CRTC1: variants seen among roughly 807,000 people sequenced by gnomAD.
CRTC1 encodes CREB regulated transcription coactivator 1, also known as CREB-regulated transcription coactivator 1.
In CRTC1, 18 loss-of-function variants were observed where a neutral mutation model predicts 66.1. The ratio of observed to expected loss-of-function variants is 0.27; its 90% CI spans 0.19 to 0.40. The LOEUF (loss-of-function observed/expected upper bound fraction) is 0.40. Among genes scored for constraint, CRTC1 ranks in the 10% least tolerant of loss-of-function variants. CRTC1 has a pLI of 1.00. For synonymous variants in CRTC1, 416 were observed against 398.8 expected (o/e 1.04, Z -0.51); for missense variants, 669 against 887.9 (o/e 0.75, Z 3.13).
intron 1 of CRTC1, among the ~76,000 whole-genome samples, chr19:18,723,907 C>T (rs1410645462): frequency 2.0e-5 from 3 of 152,330 alleles, no homozygotes; most frequent in East Asian, 1.9e-4. Context: ...TCTCAGTTGT[C>T]CCCGTGCGCT....
chr19:18,713,842 A>G (rs2053445808), intron 1 of CRTC1, among the ~76,000 whole-genome samples: 1 of 152,356 alleles, frequency 6.6e-6, no homozygotes, highest in East Asian at 1.9e-4. Flanking sequence ...GGCCACGCAG[A>G]GGTGGGAGCT....
rs1305769353 is a variant in CRTC1, at chr19:18,779,110, C to G, written c.*1728C>G. The G allele has an allele frequency of 3.4e-5, 8 of 232,670 alleles. No homozygotes were observed. The Admixed American group carries it at 4.5e-4, about 13-fold the overall frequency. The allele number at this position is 232,670 out of a possible 1,614,324, so 14.4% of individuals were successfully genotyped here. A position where few individuals can be genotyped will look rare whatever the true frequency, so the allele number is the denominator to read the frequency against. ...ATAGGAACTGCTGTTCTGATCCCCC[C>G]AAAACTGCATTGCGGCTCTCGCTCG... On this transcript the variant is annotated 3_prime_UTR_variant, in exon 14 of 14. Transcript: ENST00000321949.
In CRTC1 at chr19:18,780,583, C is replaced by T. The variant is rs2055084334; in HGVS notation, c.*3201C>T. The T allele has an allele frequency of 4.3e-6, 1 of 230,636 alleles. No individual in the cohort carries two copies. The highest frequency in any genetic ancestry group is 8.6e-6 in the Non-Finnish European group (1 of 116,524). The allele number at this position is 230,636 out of a possible 1,614,324, so 14.3% of individuals were successfully genotyped here. The stretch of plus-strand genomic sequence containing the variant: ...GGGCCCCCCATGTCCATCCATCCCT[C>T]CTGCTGGGGCTTGGATGTCAGGCTT... On this transcript the variant is annotated 3_prime_UTR_variant, in exon 14 of 14. Transcript: ENST00000321949.
At chr19:18,716,493 A>G (rs1486018861) in intron 1 of CRTC1, among the ~76,000 whole-genome samples, 2 of 151,852 alleles carry the variant, frequency 1.3e-5, no homozygotes, top group East Asian at 3.9e-4. Context: ...CTCATGATCC[A>G]CCCACCTTGG....
At chr19:18,710,982 C>T (rs911724350) in intron 1 of CRTC1, among the ~76,000 whole-genome samples, 1 of 152,160 alleles carries the variant, frequency 6.6e-6, no homozygotes, top group Non-Finnish European at 1.5e-5. Flanking sequence ...TTCACCCTGT[C>T]CCACCCCACA....
chr19:18,732,453 TC>T (rs1406482856), intron 1 of CRTC1, among the ~76,000 whole-genome samples: 24 of 152,344 alleles, frequency 1.6e-4, no homozygotes, highest in African/African-American at 5.3e-4. Context: ...ACTTCCAGCC[TC>T]CAGAAGGAAG....
chr19:18,691,254 G>A (rs1232934904), intron 1 of CRTC1, among the ~76,000 whole-genome samples: 7 of 151,480 alleles, frequency 4.6e-5, no homozygotes, highest in Admixed American at 2.0e-4. Context: ...AGTGGCTCAC[G>A]CCTGTAATCC....
In CRTC1 at chr19:18,782,203, G is replaced by A. The variant is rs949013049; in HGVS notation, c.*4821G>A. The A allele has an allele frequency of 4.4e-5, 10 of 228,658 alleles. No homozygotes were observed. The highest frequency in any genetic ancestry group is 6.3e-5 in the East Asian group (1 of 15,782). The allele number at this position is 228,658 out of a possible 1,614,324, so 14.2% of individuals were successfully genotyped here. A position where few individuals can be genotyped will look rare whatever the true frequency, so the allele number is the denominator to read the frequency against. On this transcript the variant is annotated 3_prime_UTR_variant, in exon 14 of 14. Transcript: ENST00000321949. ...CCGTGGGCCATGATTGTGGGCGGCC[G>A]CAGCGGGCGGGGGCAGGCGGCTCAG... is the stretch of plus-strand genomic sequence containing the variant.
chr19:18,684,036 C>T lies in CRTC1; in HGVS notation c.126+208C>T, dbSNP rs561682874. ...GACAGGTGACCCCACAAAATCCATACCTGATGGGGTACAGGTGCCCTGCAT... is the reference window on the plus strand; with the variant it reads ...GACAGGTGACCCCACAAAATCCATATCTGATGGGGTACAGGTGCCCTGCAT... On this transcript the variant is annotated intron_variant, in intron 1 of 13. Coordinates refer to ENST00000321949, the MANE Select transcript of CRTC1 (RefSeq NM_015321.3). Among the ~76,000 whole-genome samples the T allele has an allele frequency of 4.6e-5, 7 of 151,606 alleles. No individual in the cohort carries two copies. The South Asian group carries it at 1.5e-3, about 32-fold the overall frequency.
Position 18,771,226 on chromosome 19 carries a change from T to C in CRTC1, c.1321-216T>C, listed in dbSNP as rs2054860218. Among the ~76,000 whole-genome samples the C allele has an allele frequency of 8.2e-6, 1 of 121,424 alleles. No individual in the cohort carries two copies. Among genetic ancestry groups the C allele is most frequent in the Non-Finnish European group, 1.7e-5 (1 of 58,642 alleles). 79.7% of individuals were successfully genotyped at this position (121,424 alleles called of 152,430 possible). ...GTTATTCACCCTCCACGCCGTTCCT[T>C]CCTGGGTTCGGGGGCAGCTCCCCGG... On this transcript the variant is annotated intron_variant, in intron 10 of 13. Coordinates refer to ENST00000321949, the MANE Select transcript of CRTC1 (RefSeq NM_015321.3). The surrounding 1 kb of genome is among the most constrained non-coding windows in gnomAD (Gnocchi z 4.6).
rs1294908693 is a variant in CRTC1 at position 18,771,003 on chromosome 19, T to C, written c.1321-439T>C. Among the ~76,000 whole-genome samples the C allele has an allele frequency of 1.3e-5, 2 of 151,852 alleles. No individual in the cohort carries two copies. The highest frequency in any genetic ancestry group is 2.4e-5 in the African/African-American group (1 of 41,310). ...GTGTGGGTGTGCATGCATGGGCATG[T>C]ACATTCATGTGTGGATATGTGCACA... On this transcript the variant is annotated intron_variant, in intron 10 of 13. Transcript: ENST00000321949. The surrounding 1 kb of genome is among the most constrained non-coding windows in gnomAD (Gnocchi z 4.6).
chr19:18,719,268 C>T (rs758117514), intron 1 of CRTC1, among the ~76,000 whole-genome samples: 1 of 152,196 alleles, frequency 6.6e-6, no homozygotes, highest in Non-Finnish European at 1.5e-5. Flanking sequence ...AATGTGGTGC[C>T]TGGCCCCGCT....
chr19:18,693,479 G>GTTTTT (rs1294890403), intron 1 of CRTC1, among the ~76,000 whole-genome samples: 3 of 129,720 alleles, frequency 2.3e-5, no homozygotes, highest in Non-Finnish European at 3.2e-5. Context: ...TAACTCTTTT[G>GTTTTT]TTTTTGTTTT....
Position 18,763,135 on chromosome 19 carries a change from C to CT in CRTC1, c.887-2268dup, listed in dbSNP as rs951009058. On this transcript the variant is annotated intron_variant, in intron 8 of 13. Coordinates refer to ENST00000321949, the MANE Select transcript of CRTC1 (RefSeq NM_015321.3). ...CTTTTTTTTGAGACAAAGTCTCACT[C>CT]TGTCACCCAGGCTGGAGTGCAGTGG... 7.2e-5 allele frequency among the ~76,000 whole-genome samples: 11 copies of CT among 152,052 alleles called. 1 individual carries two copies. The highest frequency in any genetic ancestry group is 5.9e-4 in the Admixed American group (9 of 15,262).
intron 10 of CRTC1, among the ~76,000 whole-genome samples, chr19:18,770,007 C>A (rs1054641344): frequency 1.1e-4 from 16 of 150,968 alleles, no homozygotes; most frequent in Non-Finnish European, 2.1e-4. Flanking sequence ...CACCGCCACC[C>A]CCCGCCCTAC....
intron 3 of CRTC1, 39 bp downstream of exon 3, chr19:18,745,999 C>T: frequency 6.4e-7 from 1 of 1,572,880 alleles, no homozygotes; most frequent in Non-Finnish European, 8.7e-7. Flanking sequence ...GGGGCCAGGC[C>T]CTGTCGGTGC....
At chr19:18,746,309 G>A (rs983862331) in intron 3 of CRTC1, among the ~76,000 whole-genome samples, 14 of 152,320 alleles carry the variant, frequency 9.2e-5, no homozygotes, top group African/African-American at 3.1e-4. Flanking sequence ...AGTCAGGGCT[G>A]TGAGCTGATG....
rs71168762 is a variant in CRTC1, at chr19:18,693,074, C to CAAA, written c.126+9264_126+9266dup. Among the ~76,000 whole-genome samples the CAAA allele has an allele frequency of 9.4e-3, 650 of 69,176 alleles. 33 individuals carry two copies. Among genetic ancestry groups the CAAA allele is most frequent in the African/African-American group, 0.035 (581 of 16,516 alleles). The allele number at this position is 69,176 out of a possible 152,430, so 45.4% of individuals were successfully genotyped here. On this transcript the variant is annotated intron_variant, in intron 1 of 13. Coordinates refer to ENST00000321949, the MANE Select transcript of CRTC1 (RefSeq NM_015321.3). Reference sequence around the variant, plus strand: ...TGGGCGACAGAGCGAGACTCCGTCTCAAAAAAAAAAAAAAAAAAAAGAAAT... The same window carrying CAAA: ...TGGGCGACAGAGCGAGACTCCGTCTCAAAAAAAAAAAAAAAAAAAAAAAGAAAT...
chr19:18,775,125 G>A, intron 12 of CRTC1, 139 bp downstream of exon 12: 1 of 824,160 alleles, frequency 1.2e-6, no homozygotes, highest in Non-Finnish European at 1.9e-6. Context: ...TTGCCCCTCG[G>A]CCCCCGCCCC....
Sources: gnomAD v4.1 joint callset for allele counts (sites outside exome capture counted in the v4.1 genomes callset) on GRCh38, gnomAD v4.1.1 for gene constraint, Gnocchi (gnomAD v3.1) non-coding constraint, MANE v1.5 for transcripts, NCBI Gene and HGNC (gene_info 2026-07-23, HGNC 2026-07-21) for gene names.